The following KIAA0825 variants were observed in gnomAD, a reference collection of about 807,000 sequenced individuals.
KIAA0825 encodes the protein KIAA0825.
A neutral mutation model predicts 147.6 loss-of-function variants in KIAA0825; 119 were observed. The observed-to-expected ratio is 0.81, with a 90% CI of 0.69 to 0.94. KIAA0825 has a LOEUF of 0.94. Among genes scored for constraint, KIAA0825 ranks in the 40% least tolerant of loss-of-function variants. The pLI, the probability that KIAA0825 is intolerant of heterozygous loss-of-function variation, is 0.00. For missense variants in KIAA0825, 1,381 were observed against 1,472.7 expected, an observed-to-expected ratio of 0.94 and a Z score of 1.02; for synonymous variants, 470 against 518.1, an observed-to-expected ratio of 0.91 and a Z score of 1.26.
intron 20 of KIAA0825, among the ~76,000 whole-genome samples, chr5:94,170,378 A>C (rs1402486867): frequency 1.3e-5 from 2 of 152,224 alleles, no homozygotes. Context: ...TTTCAGATCC[A>C]CTTGAGAAAA....
At chr5:94,545,884 T>G (rs1305062133) in intron 2 of KIAA0825, among the ~76,000 whole-genome samples, 1 of 152,068 alleles carries the variant, frequency 6.6e-6, no homozygotes, top group African/African-American at 2.4e-5. Context: ...TCAGCCACAG[T>G]GGGGTAGAGC....
At chr5:94,296,916 C>A (rs1778164150) in intron 20 of KIAA0825, among the ~76,000 whole-genome samples, 1 of 152,078 alleles carries the variant, frequency 6.6e-6, no homozygotes, top group African/African-American at 2.4e-5. Context: ...TTTACTATCA[C>A]CATACACTGG....
At chr5:94,521,123 T>G (rs1768108105) in intron 4 of KIAA0825, among the ~76,000 whole-genome samples, 1 of 151,848 alleles carries the variant, frequency 6.6e-6, no homozygotes, top group Non-Finnish European at 1.5e-5. Context: ...ATTGTTCATT[T>G]CAAACCTAGC....
chr5:94,183,477 A>G (rs1769852103), intron 20 of KIAA0825, among the ~76,000 whole-genome samples: 1 of 152,158 alleles, frequency 6.6e-6, no homozygotes, highest in South Asian at 2.1e-4. Flanking sequence ...TGCTAATGAG[A>G]TGACTACTGG....
chr5:94,603,095 G>T (rs916294074), intron 1 of KIAA0825, among the ~76,000 whole-genome samples: 1 of 152,056 alleles, frequency 6.6e-6, no homozygotes, highest in African/African-American at 2.4e-5. Flanking sequence ...CCAAAGTGCT[G>T]GGATTACAGG....
Position 94,495,968 on chromosome 5 carries a change from A to G in KIAA0825, c.971-11038T>C, listed in dbSNP as rs942077535. On this transcript the variant is annotated intron_variant, in intron 5 of 20. Transcript: ENST00000682413. ...CATGAAGCTTTGTTTAATAAACACA[A>G]ATATTTAAAAATTCACTTAGATTGC... Among the ~76,000 whole-genome samples, 12 of 152,222 alleles carry G rather than the reference A, an allele frequency of 7.9e-5. No homozygotes were observed. In the East Asian group the frequency reaches 1.3e-3, roughly 17 times the overall value.
intron 20 of KIAA0825, among the ~76,000 whole-genome samples, chr5:94,311,802 A>G (rs1392370574): frequency 6.6e-6 from 1 of 151,706 alleles, no homozygotes. Context: ...TAAAACTACC[A>G]GGGAGTTTTT....
chr5:94,422,416 A>T (rs988106409), intron 14 of KIAA0825, among the ~76,000 whole-genome samples: 1 of 152,194 alleles, frequency 6.6e-6, no homozygotes, highest in Non-Finnish European at 1.5e-5. Flanking sequence ...TTCACTGTTC[A>T]TCACACCTAA....
intron 20 of KIAA0825, among the ~76,000 whole-genome samples, chr5:94,363,837 C>T (rs1157759289): frequency 6.6e-6 from 1 of 151,934 alleles, no homozygotes; most frequent in Non-Finnish European, 1.5e-5. Context: ...TACTACTCTC[C>T]AGCCAGGGTG....
At chr5:94,200,397 C>G (rs1174014404) in intron 20 of KIAA0825, among the ~76,000 whole-genome samples, 1 of 152,166 alleles carries the variant, frequency 6.6e-6, no homozygotes, top group Non-Finnish European at 1.5e-5. Flanking sequence ...TCTATCCACT[C>G]TCAATGCCTG....
intron 20 of KIAA0825, among the ~76,000 whole-genome samples, chr5:94,255,753 C>T (rs936725742): frequency 1.5e-4 from 16 of 105,536 alleles, no homozygotes; most frequent in South Asian, 3.5e-4. Context: ...GGGTCTCACT[C>T]TGTTGCCCAG....
At chr5:94,546,442 A>G (rs1266137994) in intron 2 of KIAA0825, among the ~76,000 whole-genome samples, 1 of 151,958 alleles carries the variant, frequency 6.6e-6, no homozygotes, top group Non-Finnish European at 1.5e-5. Context: ...TTCAGGTCTG[A>G]CCCAAGGAAG....
intron 17 of KIAA0825, among the ~76,000 whole-genome samples, chr5:94,392,284 C>T (rs1344456544): frequency 2.0e-5 from 3 of 152,184 alleles, no homozygotes; most frequent in African/African-American, 7.2e-5. Context: ...TGACCCACTC[C>T]TGTTTCTTTC....
At chr5:94,472,440 A>G (rs540418753) in intron 8 of KIAA0825, among the ~76,000 whole-genome samples, 3 of 152,220 alleles carry the variant, frequency 2.0e-5, no homozygotes, top group Non-Finnish European at 4.4e-5. Flanking sequence ...CATCGTCAAA[A>G]ATTCTTTTAA....
intron 12 of KIAA0825, among the ~76,000 whole-genome samples, chr5:94,454,148 C>T (rs1031935482): frequency 6.6e-6 from 1 of 152,102 alleles, no homozygotes; most frequent in Non-Finnish European, 1.5e-5. Context: ...AAATCTTTAG[C>T]AGATAACTTG....
intron 3 of KIAA0825, among the ~76,000 whole-genome samples, 156 bp from the exon 4 acceptor site, chr5:94,524,254 T>C (rs904057472): frequency 1.3e-5 from 2 of 151,700 alleles, no homozygotes; most frequent in African/African-American, 4.8e-5. Context: ...GACTATACAT[T>C]CATAGTTGAA....
intron 20 of KIAA0825, among the ~76,000 whole-genome samples, chr5:94,160,661 TATGTATGTATATTTACTATATAC>T (rs1268488435): frequency 4.0e-5 from 6 of 148,862 alleles, no homozygotes; most frequent in Non-Finnish European, 7.4e-5. Context: ...ATATATACTG[TATGTATGTATATTTACTATATAC>T]ATGTATGTAT....
intron 15 of KIAA0825, among the ~76,000 whole-genome samples, chr5:94,405,016 A>G (rs1751866227): frequency 6.6e-6 from 1 of 152,158 alleles, no homozygotes; most frequent in Non-Finnish European, 1.5e-5. Context: ...GAGCACACAC[A>G]AAGTTGAAAA....
At chr5:94,297,386 T>C (rs1336394430) in intron 20 of KIAA0825, among the ~76,000 whole-genome samples, 1 of 152,352 alleles carries the variant, frequency 6.6e-6, no homozygotes, top group East Asian at 1.9e-4. Flanking sequence ...GTTTTATTTG[T>C]GTTTAAAATT....
Sources: gnomAD v4.1 joint callset for allele counts (sites outside exome capture counted in the v4.1 genomes callset) on GRCh38, gnomAD v4.1.1 for gene constraint, MANE v1.5 for transcripts, NCBI Gene and HGNC (gene_info 2026-07-23, HGNC 2026-07-21) for gene names.